KLRG1: variants seen among roughly 807,000 people sequenced by gnomAD.
KLRG1 encodes the protein killer cell lectin like receptor G1.
Under a neutral mutation model 21.8 loss-of-function variants are expected in KLRG1, and 16 were observed. That is an observed-to-expected ratio of 0.73 (90% CI 0.50 to 1.11). The LOEUF (loss-of-function observed/expected upper bound fraction) is 1.11, where lower values mean the gene tolerates loss of function less well. Among genes scored for constraint, KLRG1 ranks in the 50% most tolerant of loss-of-function variants. The pLI, the probability that KLRG1 is intolerant of heterozygous loss-of-function variation, is 0.00. For missense variants in KLRG1, 173 were observed against 218.3 expected (o/e 0.79, Z 1.31); for synonymous variants, 69 against 75.9 (o/e 0.91, Z 0.47).
At chr12:9,003,287 C>T (rs1947360649) in intron 3 of KLRG1, among the ~76,000 whole-genome samples, 1 of 152,204 alleles carries the variant, frequency 6.6e-6, no homozygotes, top group Non-Finnish European at 1.5e-5. Context: ...CTGTTTTTCT[C>T]ATTATCAGTG....
chr12:8,962,063 G>C (rs577815977), intron 1 of KLRG1, among the ~76,000 whole-genome samples: 3 of 152,108 alleles, frequency 2.0e-5, no homozygotes, highest in African/African-American at 7.2e-5. Flanking sequence ...TCCAGCCTAT[G>C]CAACAGAGTG....
the KLRG1 span, among the ~76,000 whole-genome samples, chr12:9,096,011 G>A: frequency 2.0e-5 from 3 of 150,720 alleles, no homozygotes; most frequent in Admixed American, 6.6e-5. Context: ...CACCCGCCTC[G>A]GCCTCCCAAA....
chr12:9,201,437 A>G, the KLRG1 span: 1 of 979,578 alleles, frequency 1.0e-6, no homozygotes. Flanking sequence ...ACTGAGGAAG[A>G]ATATTATCTG....
At chr12:9,174,661 C>G in the KLRG1 span, among the ~76,000 whole-genome samples, 28 of 152,188 alleles carry the variant, frequency 1.8e-4, no homozygotes, top group African/African-American at 6.7e-4. Context: ...TTTCTATACA[C>G]CAACAACAGG....
the KLRG1 span, chr12:9,158,493 G>T: frequency 4.5e-5 from 73 of 1,614,164 alleles, 2 homozygotes; most frequent in African/African-American, 9.2e-4. Context: ...GGAGAGCCAC[G>T]TGAGAGATTG....
intron 2 of KLRG1, among the ~76,000 whole-genome samples, chr12:8,992,926 C>T (rs1947016887): frequency 1.3e-5 from 2 of 151,976 alleles, no homozygotes; most frequent in South Asian, 4.2e-4. Context: ...TAGTTCTTAT[C>T]GTAGTATGCT....
the KLRG1 span, among the ~76,000 whole-genome samples, chr12:9,177,763 A>C: frequency 3.3e-5 from 5 of 152,322 alleles, no homozygotes; most frequent in East Asian, 9.6e-4. Flanking sequence ...TCTCACTTCC[A>C]CAACACTCAA....
the KLRG1 span, chr12:9,089,851 C>A: frequency 1.7e-6 from 2 of 1,161,234 alleles, no homozygotes; most frequent in South Asian, 1.8e-5. Flanking sequence ...ATTATATTAC[C>A]CACATATATT....
the KLRG1 span, among the ~76,000 whole-genome samples, chr12:9,017,370 A>C: frequency 6.6e-6 from 1 of 152,244 alleles, no homozygotes; most frequent in Middle Eastern, 3.4e-3. Flanking sequence ...TTCCTACAAA[A>C]TATTGGCAAA....
intron 1 of KLRG1, among the ~76,000 whole-genome samples, chr12:8,955,457 C>T (rs1362933943): frequency 8.0e-6 from 1 of 125,342 alleles, no homozygotes; most frequent in East Asian, 2.9e-4. Flanking sequence ...ATGGTGCAAA[C>T]ATGGCTCACT....
At chr12:9,056,074 G>C in the KLRG1 span, among the ~76,000 whole-genome samples, 1 of 152,160 alleles carries the variant, frequency 6.6e-6, no homozygotes, top group Non-Finnish European at 1.5e-5. Flanking sequence ...CAAAATGAAG[G>C]CTTGGGATAT....
chr12:8,993,504 G>A (rs752956883), intron 2 of KLRG1, among the ~76,000 whole-genome samples: 2 of 152,060 alleles, frequency 1.3e-5, no homozygotes, highest in East Asian at 1.9e-4. Flanking sequence ...TGGCCAGGCT[G>A]GTCTCGAACT....
At chr12:8,961,274 T>C (rs1450846881) in intron 1 of KLRG1, among the ~76,000 whole-genome samples, 1 of 152,218 alleles carries the variant, frequency 6.6e-6, no homozygotes, top group East Asian at 1.9e-4. Flanking sequence ...TTGTGAAACT[T>C]GGCAGGTTAA....
the KLRG1 span, chr12:9,192,683 G>C: frequency 6.2e-7 from 1 of 1,613,944 alleles, no homozygotes; most frequent in Non-Finnish European, 8.5e-7. Context: ...GAGCACCCTG[G>C]TGGTCTTCTG....
chr12:9,125,799 A>G, the KLRG1 span, among the ~76,000 whole-genome samples: 5 of 152,208 alleles, frequency 3.3e-5, no homozygotes, highest in African/African-American at 4.8e-5. Context: ...CAGTGGCACA[A>G]TCTTGGCTCA....
chr12:9,057,609 GT>G, the KLRG1 span: 3 of 152,526 alleles, frequency 2.0e-5, no homozygotes, highest in African/African-American at 7.2e-5. Flanking sequence ...CTAGGATTCT[GT>G]TTTGCTCACC....
chr12:9,196,647 G>A, the KLRG1 span: 2 of 1,613,626 alleles, frequency 1.2e-6, no homozygotes, highest in Middle Eastern at 3.3e-4. Flanking sequence ...GGAGCATTTT[G>A]GTGTGTACTT....
At chr12:9,093,886 TC>T in the KLRG1 span, among the ~76,000 whole-genome samples, 134 of 147,922 alleles carry the variant, frequency 9.1e-4, no homozygotes, top group African/African-American at 3.4e-3. Flanking sequence ...GAGTGAGACT[TC>T]GTCTCAAACA....
Position 8,980,910 on chromosome 12 carries a change from A to G in KLRG1, c.-155-11296A>G, listed in dbSNP as rs182708416. Among the ~76,000 whole-genome samples, 4 of 152,304 alleles carry G rather than the reference A, an allele frequency of 2.6e-5. No individual in the cohort carries two copies. In the East Asian group the frequency reaches 7.7e-4, roughly 29 times the overall value. The stretch of plus-strand genomic sequence containing the variant: ...TGCTCTCCTTTTCACCTTGTGAGGA[A>G]GTCACAGCTGATGGTATTCCTCTTG... On this transcript the variant is annotated intron_variant, in intron 1 of 4. Transcript: ENST00000539240.
Sources: gnomAD v4.1 joint callset for allele counts (sites outside exome capture counted in the v4.1 genomes callset) on GRCh38, gnomAD v4.1.1 for gene constraint, MANE v1.5 for transcripts, NCBI Gene and HGNC (gene_info 2026-07-23, HGNC 2026-07-21) for gene names.